Variants in PCDHA2 observed in about 807,000 individuals in gnomAD.
PCDHA2 encodes protocadherin alpha-2.
Under a neutral mutation model 66.0 loss-of-function variants are expected in PCDHA2, and 58 were observed. The ratio of observed to expected loss-of-function variants is 0.88; its 90% CI spans 0.71 to 1.09. The LOEUF (loss-of-function observed/expected upper bound fraction) is 1.09, where lower values mean the gene tolerates loss of function less well. PCDHA2 is among the 50% of genes least tolerant of loss of function. The pLI, the probability that PCDHA2 is intolerant of heterozygous loss-of-function variation, is 0.00. For synonymous variants in PCDHA2, 634 were observed against 554.0 expected (o/e 1.14, Z -2.03); for missense variants, 1,267 against 1,242.3 (o/e 1.02, Z -0.30).
chr5:140,870,507 A>G (rs782584168), intron 1 of PCDHA2: 3 of 1,614,128 alleles, frequency 1.9e-6, no homozygotes, highest in African/African-American at 1.3e-5. Context: ...AGAACAACCC[A>G]CCAGGCTGCC....
chr5:140,846,564 C>T (rs2150392370), intron 1 of PCDHA2, among the ~76,000 whole-genome samples: 5 of 147,896 alleles, frequency 3.4e-5, no homozygotes, highest in African/African-American at 5.0e-5. Context: ...TTAGTAGAGT[C>T]GGGGTTTCAC....
intron 1 of PCDHA2, chr5:140,969,591 T>C: frequency 2.4e-6 from 2 of 829,486 alleles, no homozygotes; most frequent in South Asian, 2.0e-5. Context: ...TTAGTCTTAA[T>C]ATTTAATGCT....
chr5:140,826,149 A>C (rs993174050), intron 1 of PCDHA2, among the ~76,000 whole-genome samples: 2 of 152,246 alleles, frequency 1.3e-5, no homozygotes, highest in Non-Finnish European at 2.9e-5. Flanking sequence ...GAAGTCCTAG[A>C]AATTGAGAAA....
chr5:140,938,698 T>C (rs1430283682), intron 1 of PCDHA2, among the ~76,000 whole-genome samples: 1 of 152,194 alleles, frequency 6.6e-6, no homozygotes, highest in East Asian at 1.9e-4. Context: ...TTTTTAAATA[T>C]ATGTTTATGA....
intron 1 of PCDHA2, among the ~76,000 whole-genome samples, chr5:140,895,783 A>G (rs750912902): frequency 2.1e-4 from 32 of 152,122 alleles, no homozygotes; most frequent in Non-Finnish European, 3.8e-4. Context: ...ATAGTATTCA[A>G]TGACGTATAT....
At chr5:140,808,805 G>A in intron 1 of PCDHA2, 2 of 1,612,690 alleles carry the variant, frequency 1.2e-6, no homozygotes, top group Non-Finnish European at 1.7e-6. Context: ...CGCTCGCGAT[G>A]CCGGCGTGCC....
intron 1 of PCDHA2, chr5:140,863,626 A>G (rs2048099492): frequency 3.1e-6 from 1 of 320,146 alleles, no homozygotes; most frequent in African/African-American, 2.2e-5. Context: ...AGTGACATTG[A>G]TAATGTTCAC....
At chr5:140,993,510 G>A (rs144120217) in intron 3 of PCDHA2, among the ~76,000 whole-genome samples, 7 of 129,138 alleles carry the variant, frequency 5.4e-5, no homozygotes, top group African/African-American at 1.4e-4. Context: ...ACACACACAC[G>A]GGGAGAGAGA....
At chr5:140,974,690 T>G (rs2096636717) in intron 1 of PCDHA2, among the ~76,000 whole-genome samples, 4 of 152,236 alleles carry the variant, frequency 2.6e-5, no homozygotes, top group Admixed American at 2.6e-4. Context: ...TTTGTATTTT[T>G]GGGTTTCACC....
At chr5:140,882,400 C>T (rs782194379) in intron 1 of PCDHA2, 10 of 1,614,172 alleles carry the variant, frequency 6.2e-6, no homozygotes, top group Admixed American at 3.3e-5. Context: ...ACGGCACCTT[C>T]GTGGGCCGCA....
chr5:140,873,888 T>C (rs1225763068), intron 1 of PCDHA2, among the ~76,000 whole-genome samples: 2 of 152,232 alleles, frequency 1.3e-5, no homozygotes, highest in African/African-American at 4.8e-5. Flanking sequence ...CTTGAACTCC[T>C]GACCTCAGGT....
chr5:140,842,048 G>C lies in PCDHA2; in HGVS notation c.2388+44696G>C, dbSNP rs2150328015. ...TGTGAATGATAATGCTCCCACTTTC[G>C]AACAGTCTGAATACGAAGTAAGAAT... On this transcript the variant is annotated intron_variant, in intron 1 of 3. Coordinates refer to ENST00000526136, the MANE Select transcript of PCDHA2 (RefSeq NM_018905.3). The C allele has an allele frequency of 2.4e-5, 39 of 1,613,798 alleles. 2 individuals carry two copies. The East Asian group carries it at 8.2e-4, about 34-fold the overall frequency.
chr5:140,883,925 G>T (rs1554180613), intron 1 of PCDHA2: 2 of 1,613,466 alleles, frequency 1.2e-6, no homozygotes, highest in Non-Finnish European at 1.7e-6. Context: ...GACGCTGCAG[G>T]TGTTCGTGCT....
At chr5:140,904,519 A>C (rs576512079) in intron 1 of PCDHA2, among the ~76,000 whole-genome samples, 2 of 152,174 alleles carry the variant, frequency 1.3e-5, no homozygotes, top group Non-Finnish European at 2.9e-5. Context: ...GTGCTGCTAT[A>C]AACTTGTGTG....
At chr5:140,849,767 G>A (rs1373587941) in intron 1 of PCDHA2, 1 of 1,598,498 alleles carries the variant, frequency 6.3e-7, no homozygotes, top group Non-Finnish European at 8.6e-7. Flanking sequence ...ACGAGCTGGT[G>A]GTTACCGCGC....
At chr5:140,822,223 C>T (rs2150114671) in intron 1 of PCDHA2, 1 of 1,614,234 alleles carries the variant, frequency 6.2e-7, no homozygotes, top group South Asian at 1.1e-5. Flanking sequence ...GCCAGATTCG[C>T]GGTTTCCGCT....
At chr5:140,922,437 T>C (rs1462386336) in intron 1 of PCDHA2, among the ~76,000 whole-genome samples, 1 of 152,194 alleles carries the variant, frequency 6.6e-6, no homozygotes, top group African/African-American at 2.4e-5. Flanking sequence ...GGCAGAACTC[T>C]CTCATTATCC....
chr5:140,844,390 A>G (rs1233880656), intron 1 of PCDHA2, among the ~76,000 whole-genome samples: 1 of 149,636 alleles, frequency 6.7e-6, no homozygotes, highest in Non-Finnish European at 1.5e-5. Flanking sequence ...TTCATTATTT[A>G]GACCATTTTA....
intron 1 of PCDHA2, chr5:140,815,616 AC>A (rs1291156589): frequency 6.6e-6 from 1 of 152,118 alleles, no homozygotes; most frequent in Non-Finnish European, 1.5e-5. Flanking sequence ...CTTTTGTACC[AC>A]CATTACAGTA....
Sources: allele counts gnomAD v4.1 joint callset (sites outside exome capture counted in the v4.1 genomes callset), GRCh38; gene constraint gnomAD v4.1.1; transcripts MANE v1.5; gene names NCBI Gene and HGNC (gene_info 2026-07-23, HGNC 2026-07-21).